OXCT1: variants seen among roughly 807,000 people sequenced by gnomAD.
OXCT1 encodes 3-oxoacid CoA-transferase 1.
OXCT1 carries 27 observed loss-of-function variants against 69.6 expected under a neutral mutation model. That is an observed-to-expected ratio of 0.39 (90% CI 0.29 to 0.54). The LOEUF (loss-of-function observed/expected upper bound fraction) is 0.54. OXCT1 is among the 20% of genes least tolerant of loss of function. OXCT1 has a pLI of 0.72. For missense variants in OXCT1, 437 were observed against 650.2 expected (o/e 0.67, Z 3.57); for synonymous variants, 202 against 217.8 (o/e 0.93, Z 0.64).
At chr5:41,796,227 C>G (rs1746175038) in intron 11 of OXCT1, among the ~76,000 whole-genome samples, 1 of 152,218 alleles carries the variant, frequency 6.6e-6, no homozygotes, top group Non-Finnish European at 1.5e-5. Flanking sequence ...TGACTCATAT[C>G]TAAGCTGCTC....
chr5:41,837,323 G>A (rs74538005), intron 7 of OXCT1, among the ~76,000 whole-genome samples: 5,727 of 151,578 alleles, frequency 0.038, 126 homozygotes, highest in African/African-American at 0.045. Flanking sequence ...AAAAGACGCC[G>A]TTGACTATGT....
At position 41,772,818 on chromosome 5, in the gene OXCT1, G is replaced by T. The variant is rs972551852; in HGVS notation, c.1249-10618C>A. Among the ~76,000 whole-genome samples, 3 of 152,220 alleles carry T rather than the reference G, an allele frequency of 2.0e-5. 1 individual carries two copies. In the South Asian group the frequency reaches 6.2e-4, roughly 32 times the overall value. On this transcript the variant is annotated intron_variant, in intron 13 of 16. Transcript: ENST00000196371. ...ATATGTGGAGGCAAGTCTAACCACCGGTTTGCTAAGAATGCACACCCTACT... is the reference window on the plus strand; with the variant it reads ...ATATGTGGAGGCAAGTCTAACCACCTGTTTGCTAAGAATGCACACCCTACT...
At chr5:41,836,771 A>AC (rs765443469) in intron 7 of OXCT1, among the ~76,000 whole-genome samples, 3 of 152,096 alleles carry the variant, frequency 2.0e-5, no homozygotes, top group Non-Finnish European at 4.4e-5. Context: ...TCACTCACCC[A>AC]CCACTCATCT....
chr5:41,748,445 T>C (rs1325286859), intron 15 of OXCT1, among the ~76,000 whole-genome samples: 1 of 152,080 alleles, frequency 6.6e-6, no homozygotes, highest in Admixed American at 6.6e-5. Flanking sequence ...AAAGATTGCT[T>C]TGCTTTTATC....
intron 14 of OXCT1, 115 bp from the exon 15 acceptor site, chr5:41,749,722 T>G (rs1743674228): frequency 1.4e-6 from 1 of 717,388 alleles, no homozygotes; most frequent in African/African-American, 1.8e-5. Flanking sequence ...AAGTAAAGAC[T>G]CTTTCAGAAT....
intron 7 of OXCT1, among the ~76,000 whole-genome samples, chr5:41,839,877 T>C (rs1748544779): frequency 6.6e-6 from 1 of 152,216 alleles, no homozygotes; most frequent in African/African-American, 2.4e-5. Flanking sequence ...AGGTTCAATA[T>C]GTTACAACCA....
chr5:41,794,135 T>G, intron 12 of OXCT1, 57 bp from the exon 13 acceptor site: 2 of 1,298,150 alleles, frequency 1.5e-6, no homozygotes, highest in Non-Finnish European at 2.2e-6. Context: ...CCCCTTTGCT[T>G]GAACTTGCCA....
intron 7 of OXCT1, among the ~76,000 whole-genome samples, chr5:41,825,108 G>A (rs556210164): frequency 6.6e-6 from 1 of 152,106 alleles, no homozygotes; most frequent in Middle Eastern, 3.2e-3. Context: ...ACTTTCCTCA[G>A]GTAGGATTTG....
chr5:41,759,232 C>T (rs369141229), intron 14 of OXCT1, among the ~76,000 whole-genome samples: 38 of 152,120 alleles, frequency 2.5e-4, no homozygotes, highest in African/African-American at 8.7e-4. Context: ...AGCTCTGTCA[C>T]TTTCCTGGAT....
Position 41,820,569 on chromosome 5 carries a change from G to C in OXCT1, c.733-13131C>G, listed in dbSNP as rs550730534. Reference sequence around the variant, plus strand: ...AGGGATTAGTGAACTGCAAAAACATGCTTAATGTTTTATGTAATGAAATAT... The same window carrying C: ...AGGGATTAGTGAACTGCAAAAACATCCTTAATGTTTTATGTAATGAAATAT... On this transcript the variant is annotated intron_variant, in intron 7 of 16. Coordinates refer to ENST00000196371, the MANE Select transcript of OXCT1 (RefSeq NM_000436.4). Among the ~76,000 whole-genome samples the C allele has an allele frequency of 2.0e-5, 3 of 152,194 alleles. No individual in the cohort carries two copies. In the East Asian group the frequency reaches 5.8e-4, roughly 29 times the overall value.
chr5:41,842,836 A>G, intron 5 of OXCT1, 55 bp from the exon 6 acceptor site: 1 of 1,133,288 alleles, frequency 8.8e-7, no homozygotes, highest in African/African-American at 1.5e-5. Context: ...TGATTGTGAT[A>G]GAGGCACTCT....
intron 7 of OXCT1, among the ~76,000 whole-genome samples, chr5:41,812,810 T>TA (rs1309327965): frequency 6.6e-6 from 1 of 152,012 alleles, no homozygotes; most frequent in Non-Finnish European, 1.5e-5. Flanking sequence ...TCTGTACTAA[T>TA]ACTAGGCTGT....
intron 13 of OXCT1, among the ~76,000 whole-genome samples, chr5:41,784,919 C>T (rs1385760391): frequency 3.9e-5 from 6 of 152,110 alleles, no homozygotes; most frequent in African/African-American, 7.2e-5. Flanking sequence ...TCAAATATGT[C>T]AGTCTCTAAA....
intron 7 of OXCT1, among the ~76,000 whole-genome samples, chr5:41,809,579 T>C (rs1163578997): frequency 6.6e-6 from 1 of 152,026 alleles, no homozygotes; most frequent in Non-Finnish European, 1.5e-5. Context: ...CTTGCTATGA[T>C]TGTGACAGCA....
At chr5:41,757,003 TG>T (rs1408846817) in intron 14 of OXCT1, among the ~76,000 whole-genome samples, 1 of 151,968 alleles carries the variant, frequency 6.6e-6, no homozygotes, top group African/African-American at 2.4e-5. Context: ...CTACAAACCA[TG>T]GAAGTCTTGG....
At chr5:41,864,215 C>T (rs1012438515) in intron 1 of OXCT1, among the ~76,000 whole-genome samples, 8 of 152,212 alleles carry the variant, frequency 5.3e-5, no homozygotes, top group African/African-American at 1.7e-4. Flanking sequence ...TTTATTCTCA[C>T]TATACAGCCA....
At chr5:41,795,266 C>A (rs1171400220) in intron 11 of OXCT1, among the ~76,000 whole-genome samples, 1 of 152,252 alleles carries the variant, frequency 6.6e-6, no homozygotes, top group South Asian at 2.1e-4. Context: ...CTCGTTTGCT[C>A]GCCTGCTGCT....
intron 14 of OXCT1, among the ~76,000 whole-genome samples, chr5:41,752,605 T>C (rs1201588904): frequency 2.0e-5 from 3 of 151,954 alleles, no homozygotes; most frequent in African/African-American, 7.3e-5. Flanking sequence ...TTTTAAAAGT[T>C]AGCCAGTTGT....
At chr5:41,743,700 C>T (rs901022242) in intron 15 of OXCT1, among the ~76,000 whole-genome samples, 6 of 152,160 alleles carry the variant, frequency 3.9e-5, no homozygotes, top group African/African-American at 1.4e-4. Flanking sequence ...CTACATATGG[C>T]TAGCCAGTTT....
Sources: allele counts gnomAD v4.1 joint callset (sites outside exome capture counted in the v4.1 genomes callset), GRCh38; gene constraint gnomAD v4.1.1; transcripts MANE v1.5; gene names NCBI Gene and HGNC (gene_info 2026-07-23, HGNC 2026-07-21).